SERINC5: variants seen among roughly 807,000 people sequenced by gnomAD.
SERINC5 encodes the protein chromosome 5 open reading frame 12.
In SERINC5, 41 loss-of-function variants were observed where a neutral mutation model predicts 63.1. The ratio of observed to expected loss-of-function variants is 0.65; its 90% CI spans 0.51 to 0.84. The LOEUF is 0.84. Ranked by LOEUF, SERINC5 falls within the 40% of genes least tolerant of loss-of-function variation. SERINC5 has a pLI of 0.00. For missense variants in SERINC5, 523 were observed against 573.0 expected (o/e 0.91, Z 0.89); for synonymous variants, 222 against 215.2 (o/e 1.03, Z -0.28).
chr5:80,207,195 T>C (rs765327973), intron 1 of SERINC5, among the ~76,000 whole-genome samples: 5 of 152,114 alleles, frequency 3.3e-5, no homozygotes, highest in Non-Finnish European at 7.4e-5. Flanking sequence ...AAATGGGGTT[T>C]CACTGTGTTA....
intron 7 of SERINC5, among the ~76,000 whole-genome samples, chr5:80,161,018 G>GTATATA (rs967132767): frequency 8.4e-4 from 120 of 143,314 alleles, no homozygotes; most frequent in African/African-American, 3.1e-3. Flanking sequence ...ATATATACGT[G>GTATATA]TATATATATA....
chr5:80,246,944 T>A (rs1561454442), intron 1 of SERINC5, among the ~76,000 whole-genome samples: 5 of 152,246 alleles, frequency 3.3e-5, no homozygotes, highest in African/African-American at 9.6e-5. Context: ...ACTTGATTGA[T>A]ACTGTTCTCA....
chr5:80,246,376 T>C (rs80184042), intron 1 of SERINC5, among the ~76,000 whole-genome samples: 1 of 152,216 alleles, frequency 6.6e-6, no homozygotes, highest in African/African-American at 2.4e-5. Context: ...TATAAAAAAA[T>C]GATACTTAAA....
chr5:80,142,667 G>A lies in SERINC5; in HGVS notation c.*996C>T, dbSNP rs768144267. 195 of 985,394 alleles carry A rather than the reference G, an allele frequency of 2.0e-4. No homozygotes were observed. Among genetic ancestry groups the A allele is most frequent in the South Asian group, 1.8e-3 (39 of 21,292 alleles). 61.0% of individuals were successfully genotyped at this position (985,394 alleles called of 1,614,324 possible). On this transcript the variant is annotated 3_prime_UTR_variant, in exon 12 of 12. Coordinates refer to ENST00000507668, the MANE Select transcript of SERINC5 (RefSeq NM_001174072.3). ...AGATCCAGAACACAAAACGACTTCC[G>A]CTTTTACAGTTTCAAAGGCCTCAAG...
In SERINC5 at chr5:80,123,745, C is replaced by T. The variant is rs538333723; in HGVS notation, c.1239-10120G>A. Among the ~76,000 whole-genome samples, 5 of 152,312 alleles carry T rather than the reference C, an allele frequency of 3.3e-5. No homozygotes were observed. The South Asian group carries it at 6.2e-4, about 19-fold the overall frequency. On this transcript the variant is annotated intron_variant, in intron 11 of 12. Transcript: ENST00000509193. ...CCTTCACTCTCCCAGTGGGTCCTTG[C>T]ACCTGAGAACGTGCAGGGTCCATCA...
chr5:80,230,599 T>C (rs950456511), intron 1 of SERINC5, among the ~76,000 whole-genome samples: 5 of 152,110 alleles, frequency 3.3e-5, no homozygotes, highest in Non-Finnish European at 5.9e-5. Flanking sequence ...AGCACTCCCT[T>C]ACAAGTGCCG....
chr5:80,113,216 G>T (rs1195724654), intron 12 of SERINC5, among the ~76,000 whole-genome samples: 1 of 152,242 alleles, frequency 6.6e-6, no homozygotes, highest in Non-Finnish European at 1.5e-5. Context: ...GATAGATGTT[G>T]TTGAATTGTT....
chr5:80,168,039 T>A (rs1412492824), intron 6 of SERINC5, among the ~76,000 whole-genome samples: 1 of 152,218 alleles, frequency 6.6e-6, no homozygotes, highest in Admixed American at 6.5e-5. Context: ...ATTATCCCTA[T>A]TTCAAAAGGT....
intron 1 of SERINC5, among the ~76,000 whole-genome samples, chr5:80,222,553 A>AGTATGTGAGTGT (rs550308144): frequency 0.016 from 2,292 of 138,912 alleles, 21 homozygotes; most frequent in Non-Finnish European, 0.019. Context: ...TTTGTGGGTG[A>AGTATGTGAGTGT]GTGTGTGAGT....
Position 80,142,040 on chromosome 5 carries a change from A to T in SERINC5, c.*1623T>A, listed in dbSNP as rs896489687. ...AGAAGCCCAGCTTAGGTGGCACTCA[A>T]TTCTGCCCAACTCATACAGTAGGGC... On this transcript the variant is annotated 3_prime_UTR_variant, in exon 12 of 12. Coordinates refer to ENST00000507668, the MANE Select transcript of SERINC5 (RefSeq NM_001174072.3). 3 of 985,280 alleles carry T rather than the reference A, an allele frequency of 3.0e-6. No homozygotes were observed. In the African/African-American group the frequency reaches 5.2e-5, roughly 17 times the overall value. The allele number at this position is 985,280 out of a possible 1,614,324, so 61.0% of individuals were successfully genotyped here. A position where few individuals can be genotyped will look rare whatever the true frequency, so the allele number is the denominator to read the frequency against.
At position 80,139,434 on chromosome 5, in the gene SERINC5, A is replaced by G. The variant is rs1745368991; in HGVS notation, c.*4229T>C. On this transcript the variant is annotated 3_prime_UTR_variant, in exon 12 of 12. Coordinates refer to ENST00000507668, the MANE Select transcript of SERINC5 (RefSeq NM_001174072.3). ...CTCATGTGAATATGATTAAACTCCT[A>G]TAGAAGTGGATTGGGACATATGCAT... The G allele has an allele frequency of 1.0e-6, 1 of 985,090 alleles. No homozygotes were observed. The highest frequency in any genetic ancestry group is 4.7e-5 in the South Asian group (1 of 21,286). 61.0% of individuals were successfully genotyped at this position (985,090 alleles called of 1,614,324 possible). A position where few individuals can be genotyped will look rare whatever the true frequency, so the allele number is the denominator to read the frequency against.
chr5:80,208,637 C>G (rs910555302), intron 1 of SERINC5, among the ~76,000 whole-genome samples: 10 of 152,174 alleles, frequency 6.6e-5, no homozygotes. Context: ...ACTGCATACT[C>G]TCCTCCTCCA....
At chr5:80,195,085 G>C (rs776215997) in intron 2 of SERINC5, among the ~76,000 whole-genome samples, 6 of 152,030 alleles carry the variant, frequency 3.9e-5, no homozygotes, top group Admixed American at 1.3e-4. Flanking sequence ...TCAGGAGTTC[G>C]AGACCAGCCT....
intron 1 of SERINC5, among the ~76,000 whole-genome samples, chr5:80,244,168 T>C (rs1182706476): frequency 2.0e-5 from 3 of 151,986 alleles, no homozygotes; most frequent in Non-Finnish European, 2.9e-5. Context: ...CTCCCCAGCA[T>C]TTCTCTACCT....
At chr5:80,220,757 T>C (rs13184192) in intron 1 of SERINC5, among the ~76,000 whole-genome samples, 19,256 of 150,926 alleles carry the variant, frequency 0.13, 1,372 homozygotes, top group Non-Finnish European at 0.16. Flanking sequence ...AGGGGTGAAG[T>C]GGGGAGGGGG....
chr5:80,130,407 A>C (rs1275880880), intron 11 of SERINC5, among the ~76,000 whole-genome samples: 1 of 152,060 alleles, frequency 6.6e-6, no homozygotes, highest in Non-Finnish European at 1.5e-5. Context: ...CATTTTAATT[A>C]CTAAATATAT....
intron 7 of SERINC5, 113 bp downstream of exon 7, chr5:80,166,270 C>T: frequency 2.7e-6 from 2 of 733,452 alleles, no homozygotes; most frequent in Non-Finnish European, 4.6e-6. Context: ...CTCTGGTAAC[C>T]ATCTTTCTGC....
intron 1 of SERINC5, among the ~76,000 whole-genome samples, chr5:80,250,542 A>G (rs1752364249): frequency 6.6e-6 from 1 of 152,160 alleles, no homozygotes; most frequent in Non-Finnish European, 1.5e-5. Context: ...GGGTTTCGCC[A>G]TGTTGGCCAG....
chr5:80,141,501 CGAGAGGA>C lies in SERINC5; in HGVS notation c.*2155_*2161del. 1.0e-6 allele frequency: 1 copy of C among 985,516 alleles called. No homozygotes were observed. Among genetic ancestry groups the C allele is most frequent in the East Asian group, 1.1e-4 (1 of 8,810 alleles). 61.0% of individuals were successfully genotyped at this position (985,516 alleles called of 1,614,324 possible). A position where few individuals can be genotyped will look rare whatever the true frequency, so the allele number is the denominator to read the frequency against. On this transcript the variant is annotated 3_prime_UTR_variant, in exon 12 of 12. Coordinates refer to ENST00000507668, the MANE Select transcript of SERINC5 (RefSeq NM_001174072.3). ...ACACCAGCTGGCAGCCAGACCCAGC[CGAGAGGA>C]CAAAGCAAGGGCTCTGCTAGACCTC...
Sources: gnomAD v4.1 joint callset for allele counts (sites outside exome capture counted in the v4.1 genomes callset) on GRCh38, gnomAD v4.1.1 for gene constraint, MANE v1.5 for transcripts, NCBI Gene and HGNC (gene_info 2026-07-23, HGNC 2026-07-21) for gene names.